The following ASIC2 variants were observed in gnomAD, a reference collection of about 807,000 sequenced individuals.
ASIC2 encodes the protein acid-sensing ion channel 2.
In ASIC2, 25 loss-of-function variants were observed where a neutral mutation model predicts 57.3. The ratio of observed to expected loss-of-function variants is 0.44; its 90% CI spans 0.32 to 0.61. ASIC2 has a LOEUF of 0.61. Ranked by LOEUF, ASIC2 falls within the 20% of genes least tolerant of loss-of-function variation. The pLI is 0.06. For missense variants in ASIC2, 641 were observed against 738.1 expected, an observed-to-expected ratio of 0.87 and a Z score of 1.52; for synonymous variants, 319 against 307.5, an observed-to-expected ratio of 1.04 and a Z score of -0.39.
At chr17:33,367,096 C>G (rs1011602737) in intron 1 of ASIC2, among the ~76,000 whole-genome samples, 2 of 152,214 alleles carry the variant, frequency 1.3e-5, no homozygotes, top group African/African-American at 4.8e-5. Flanking sequence ...GGTAATGAAG[C>G]GTGAAGAGTG....
intron 1 of ASIC2, among the ~76,000 whole-genome samples, chr17:33,709,456 G>A (rs1407505957): frequency 3.9e-5 from 6 of 152,226 alleles, no homozygotes; most frequent in Non-Finnish European, 4.4e-5. Context: ...AGGTCAGAGA[G>A]TTGGCTCATG....
At chr17:33,497,448 C>T (rs1913972108) in intron 1 of ASIC2, among the ~76,000 whole-genome samples, 1 of 152,074 alleles carries the variant, frequency 6.6e-6, no homozygotes, top group Non-Finnish European at 1.5e-5. Flanking sequence ...AAGAATAGGT[C>T]AGAGGAAGGG....
At chr17:33,351,254 C>T (rs891364173) in intron 1 of ASIC2, among the ~76,000 whole-genome samples, 3 of 152,066 alleles carry the variant, frequency 2.0e-5, no homozygotes, top group African/African-American at 7.2e-5. Context: ...ACTGCCCCTC[C>T]CTACTTCCAA....
chr17:34,059,579 G>A (rs1908894327), intron 1 of ASIC2, among the ~76,000 whole-genome samples: 1 of 152,176 alleles, frequency 6.6e-6, no homozygotes. Context: ...CAGCTGGGAG[G>A]CAGATAGCTT....
Position 33,899,112 on chromosome 17 carries a change from A to AGC in ASIC2, c.555+256864_555+256865dup, listed in dbSNP as rs553788282. Among the ~76,000 whole-genome samples, 73 of 146,670 alleles carry AGC rather than the reference A, an allele frequency of 5.0e-4. 1 individual carries two copies. In the East Asian group the frequency reaches 0.014, roughly 28 times the overall value. ...CACTGCACTCCAGCCTGGGCGACAG[A>AGC]GCGAGACTCCATCTCAGGAAAAAAA... On this transcript the variant is annotated intron_variant, in intron 1 of 9. Transcript: ENST00000359872.
At chr17:33,016,927 TGGCATCCACA>T (rs2091809195) in intron 8 of ASIC2, among the ~76,000 whole-genome samples, 1 of 151,984 alleles carries the variant, frequency 6.6e-6, no homozygotes, top group Admixed American at 6.5e-5. Context: ...CCTGGGATAG[TGGCATCCACA>T]GGCTCGCTGT....
At chr17:33,233,894 T>C (rs1908202493) in intron 1 of ASIC2, among the ~76,000 whole-genome samples, 1 of 152,242 alleles carries the variant, frequency 6.6e-6, no homozygotes, top group South Asian at 2.1e-4. Context: ...GTGCTGCTTC[T>C]GTACTCTTGG....
rs1023686144 is a variant in ASIC2, at chr17:33,863,911, T to TTG, written c.555+292066_555+292067insCA. The stretch of plus-strand genomic sequence containing the variant: ...TTACCTCTTTTTTTGTTTTTTTTTT[T>TTG]TTTGTTTTTGAGATGGAGTTTCGCT... On this transcript the variant is annotated intron_variant, in intron 1 of 9. Coordinates refer to the ASIC2 transcript ENST00000359872. Among the ~76,000 whole-genome samples, 23 of 110,954 alleles carry TTG rather than the reference T, an allele frequency of 2.1e-4. 1 individual carries two copies. The highest frequency in any genetic ancestry group is 5.5e-4 in the African/African-American group (17 of 30,928). The allele number at this position is 110,954 out of a possible 152,430, so 72.8% of individuals were successfully genotyped here.
chr17:33,800,010 A>G lies in ASIC2; in HGVS notation c.555+355968T>C, dbSNP rs77489646. On this transcript the variant is annotated intron_variant, in intron 1 of 9. Transcript: ENST00000359872. ...GTGCTTCCTTATTATCACCATGCAAATGTCCTGGACTCTGGATCCTGTATA... is the reference window on the plus strand; with the variant it reads ...GTGCTTCCTTATTATCACCATGCAAGTGTCCTGGACTCTGGATCCTGTATA... Among the ~76,000 whole-genome samples, 113 of 152,258 alleles carry G rather than the reference A, an allele frequency of 7.4e-4. 3 individuals carry two copies. In the East Asian group the frequency reaches 0.021, roughly 29 times the overall value.
intron 1 of ASIC2, among the ~76,000 whole-genome samples, chr17:33,578,983 G>A (rs16968621): frequency 1.3e-5 from 2 of 151,966 alleles, no homozygotes; most frequent in Non-Finnish European, 2.9e-5. Context: ...CCTTGGAAGC[G>A]GTTATAGAAT....
intron 3 of ASIC2, among the ~76,000 whole-genome samples, chr17:33,084,316 C>A (rs544834856): frequency 6.6e-6 from 1 of 152,324 alleles, no homozygotes; most frequent in African/African-American, 2.4e-5. Flanking sequence ...GACTCCTAGG[C>A]TGATTTGTTC....
chr17:34,120,722 C>CTTTTTTTTTTTTTTTCTTT (rs1911588601), intron 1 of ASIC2, among the ~76,000 whole-genome samples: 1 of 94,626 alleles, frequency 1.1e-5, no homozygotes, highest in Non-Finnish European at 2.0e-5. Flanking sequence ...TGGGGTCCTT[C>CTTTTTTTTTTTTTTTCTTT]TTTTTTTTTT....
intron 1 of ASIC2, among the ~76,000 whole-genome samples, chr17:33,641,945 C>A (rs974599720): frequency 2.6e-5 from 4 of 152,132 alleles, no homozygotes; most frequent in African/African-American, 9.7e-5. Flanking sequence ...TCATACATTT[C>A]TTTTTCTTAA....
At chr17:33,967,788 A>G (rs1425882702) in intron 1 of ASIC2, among the ~76,000 whole-genome samples, 1 of 152,208 alleles carries the variant, frequency 6.6e-6, no homozygotes, top group Non-Finnish European at 1.5e-5. Flanking sequence ...TGTCTCATTA[A>G]TTCCTCACCA....
chr17:33,291,459 C>T lies in ASIC2; in HGVS notation c.657G>A (p.Leu219=). 1 of 1,611,774 alleles carries T rather than the reference C, an allele frequency of 6.2e-7. No homozygotes were observed. The highest frequency in any genetic ancestry group is 1.1e-5 in the South Asian group (1 of 91,018). Residue 219 remains leucine (L), a synonymous_variant, in exon 1 of 10, where the codon CTG becomes CTA. Coordinates refer to ENST00000225823, the MANE Select transcript of ASIC2 (RefSeq NM_183377.2). The stretch of plus-strand genomic sequence containing the variant: ...GCTCGCCGCGGTACTTGCAGGAGAG[C>T]AGCATGTCCTCCAGCTGGTGGCCCA... ...DRLGHQLEDM[L]LSCKYRGELC...
chr17:33,402,922 T>A (rs1910333943), intron 1 of ASIC2, among the ~76,000 whole-genome samples: 1 of 152,230 alleles, frequency 6.6e-6, no homozygotes, highest in South Asian at 2.1e-4. Context: ...TACCATCTCA[T>A]GCCAGTCAGA....
At chr17:34,143,303 T>C (rs1912323296) in intron 1 of ASIC2, among the ~76,000 whole-genome samples, 1 of 152,234 alleles carries the variant, frequency 6.6e-6, no homozygotes, top group African/African-American at 2.4e-5. Context: ...AATAGACATA[T>C]TGGTACATGC....
intron 1 of ASIC2, among the ~76,000 whole-genome samples, chr17:33,356,633 G>T (rs1295893497): frequency 1.3e-5 from 2 of 152,140 alleles, no homozygotes; most frequent in Non-Finnish European, 2.9e-5. Flanking sequence ...CACGGAGCGT[G>T]TTAACCTCTT....
intron 1 of ASIC2, among the ~76,000 whole-genome samples, chr17:33,489,519 T>C (rs11657396): frequency 0.2 from 30,723 of 152,100 alleles, 3,432 homozygotes; most frequent in African/African-American, 0.3. Flanking sequence ...AGTGCATGAT[T>C]GCCAGCCCCC....
Sources: gnomAD v4.1 joint callset for allele counts (sites outside exome capture counted in the v4.1 genomes callset) on GRCh38, gnomAD v4.1.1 for gene constraint, MANE v1.5 for transcripts, NCBI Gene and HGNC (gene_info 2026-07-23, HGNC 2026-07-21) for gene names.